THSD7B: variants seen among roughly 807,000 people sequenced by gnomAD.
THSD7B encodes the protein thrombospondin type-1 domain-containing protein 7B.
A neutral mutation model predicts 213.6 loss-of-function variants in THSD7B; 138 were observed. The ratio of observed to expected loss-of-function variants is 0.65; its 90% CI spans 0.56 to 0.74. The LOEUF (loss-of-function observed/expected upper bound fraction) is 0.74. Ranked by LOEUF, THSD7B falls within the 30% of genes least tolerant of loss-of-function variation. THSD7B has a pLI of 0.00. For missense variants in THSD7B, 1,931 were observed against 1,991.5 expected (o/e 0.97, Z 0.58); for synonymous variants, 742 against 687.0 (o/e 1.08, Z -1.25).
At chr2:137,345,965 G>T (rs1024699328) in intron 12 of THSD7B, among the ~76,000 whole-genome samples, 1 of 151,586 alleles carries the variant, frequency 6.6e-6, no homozygotes, top group Non-Finnish European at 1.5e-5. Context: ...GTTGCTTGTT[G>T]TGGTGGGGGA....
At chr2:137,236,695 C>T (rs1161602571) in intron 9 of THSD7B, among the ~76,000 whole-genome samples, 1 of 152,178 alleles carries the variant, frequency 6.6e-6, no homozygotes, top group Non-Finnish European at 1.5e-5. Flanking sequence ...GCAGGTTTCC[C>T]CATCTAGCTG....
rs70978214 is a variant in THSD7B, at chr2:137,389,402, A to ATT, written c.2501-16185_2501-16184dup. Among the ~76,000 whole-genome samples the ATT allele has an allele frequency of 9.7e-3, 371 of 38,078 alleles. 34 individuals are homozygous for ATT. The highest frequency in any genetic ancestry group is 0.031 in the South Asian group (17 of 556). 25.0% of individuals were successfully genotyped at this position (38,078 alleles called of 152,430 possible). A position where few individuals can be genotyped will look rare whatever the true frequency, so the allele number is the denominator to read the frequency against. On this transcript the variant is annotated intron_variant, in intron 12 of 27. Transcript: ENST00000409968. ...GATAGTTTGACCACTTCTTAATGTG[A>ATT]TTTTTTTTTTTTTTTTTTTTTTTTT...
At chr2:137,563,119 C>T in intron 15 of THSD7B, 102 bp from the exon 16 acceptor site, 1 of 1,279,184 alleles carries the variant, frequency 7.8e-7, no homozygotes. Context: ...GGCCAGAGTG[C>T]AGTTTCTTGG....
intron 7 of THSD7B, among the ~76,000 whole-genome samples, chr2:137,214,748 C>T (rs11883689): frequency 0.057 from 8,743 of 152,168 alleles, 657 homozygotes; most frequent in African/African-American, 0.17. Context: ...CATGTCCCTG[C>T]AAAGGACATG....
intron 12 of THSD7B, among the ~76,000 whole-genome samples, chr2:137,341,321 C>G (rs1684756492): frequency 6.6e-6 from 1 of 150,966 alleles, no homozygotes. Flanking sequence ...TGTTTGAGCT[C>G]CTTATATATA....
chr2:136,993,734 C>G (rs911599419), intron 2 of THSD7B, among the ~76,000 whole-genome samples: 7 of 152,114 alleles, frequency 4.6e-5, no homozygotes, highest in African/African-American at 1.7e-4. Flanking sequence ...ATTTGCTGAC[C>G]AGCTACAACA....
chr2:136,943,209 C>G (rs1420920031), intron 2 of THSD7B, among the ~76,000 whole-genome samples: 2 of 152,152 alleles, frequency 1.3e-5, no homozygotes, highest in African/African-American at 4.8e-5. Context: ...TTGAACCAGC[C>G]TTGCATCCCA....
intron 21 of THSD7B, among the ~76,000 whole-genome samples, chr2:137,646,042 G>A (rs1374262932): frequency 6.6e-6 from 1 of 151,998 alleles, no homozygotes; most frequent in African/African-American, 2.4e-5. Flanking sequence ...GCTTTTTTGG[G>A]ACAGTTTCAT....
intron 1 of THSD7B, among the ~76,000 whole-genome samples, chr2:136,844,532 G>C (rs1682975761): frequency 6.7e-6 from 1 of 149,460 alleles, no homozygotes; most frequent in South Asian, 2.1e-4. Flanking sequence ...CTTTTCTTTT[G>C]TTCTCCAACC....
intron 14 of THSD7B, among the ~76,000 whole-genome samples, chr2:137,419,435 GAAT>G (rs1270093315): frequency 1.6e-5 from 2 of 125,964 alleles, no homozygotes; most frequent in African/African-American, 5.2e-5. Flanking sequence ...AAAGGACAGA[GAAT>G]AATGTTACTG....
At chr2:137,602,980 T>G (rs1381185300) in intron 17 of THSD7B, among the ~76,000 whole-genome samples, 3 of 152,200 alleles carry the variant, frequency 2.0e-5, no homozygotes, top group Admixed American at 2.0e-4. Flanking sequence ...AGTCTGACTG[T>G]CTGTGCCTGA....
intron 1 of THSD7B, among the ~76,000 whole-genome samples, chr2:136,770,555 C>G (rs939324601): frequency 2.6e-5 from 4 of 152,206 alleles, no homozygotes; most frequent in Non-Finnish European, 4.4e-5. Flanking sequence ...GACCACTCCC[C>G]TTAGATCACT....
intron 12 of THSD7B, among the ~76,000 whole-genome samples, chr2:137,308,955 T>A (rs1403377482): frequency 6.6e-6 from 1 of 152,146 alleles, no homozygotes. Flanking sequence ...TGTTTTTGTA[T>A]TAGAAACAGC....
intron 20 of THSD7B, among the ~76,000 whole-genome samples, chr2:137,629,426 A>G (rs769700734): frequency 1.2e-4 from 19 of 152,086 alleles, no homozygotes; most frequent in Non-Finnish European, 2.6e-4. Flanking sequence ...GTATTAAAAG[A>G]TCACTTAAAA....
intron 1 of THSD7B, among the ~76,000 whole-genome samples, chr2:136,821,232 G>A (rs1281888189): frequency 1.3e-5 from 2 of 152,064 alleles, no homozygotes; most frequent in Admixed American, 6.5e-5. Flanking sequence ...GTATCAGCTC[G>A]ACTTGTTAAG....
chr2:137,066,189 C>CTT (rs70975797), intron 3 of THSD7B, among the ~76,000 whole-genome samples: 148 of 115,714 alleles, frequency 1.3e-3, no homozygotes, highest in African/African-American at 2.6e-3. Flanking sequence ...TGAGTTTTCA[C>CTT]TTTTTTTTTT....
chr2:137,410,920 A>T (rs961721882), intron 13 of THSD7B, among the ~76,000 whole-genome samples: 4 of 152,232 alleles, frequency 2.6e-5, no homozygotes, highest in African/African-American at 9.6e-5. Context: ...CATGATTACC[A>T]AGTGTTTACA....
intron 15 of THSD7B, among the ~76,000 whole-genome samples, chr2:137,498,720 G>T (rs1482588386): frequency 6.6e-6 from 1 of 152,148 alleles, no homozygotes; most frequent in Non-Finnish European, 1.5e-5. Flanking sequence ...GGGAGAAGGG[G>T]TAGGAATTGG....
At chr2:137,568,581 C>T (rs759158934) in intron 16 of THSD7B, among the ~76,000 whole-genome samples, 1 of 152,088 alleles carries the variant, frequency 6.6e-6, no homozygotes, top group Non-Finnish European at 1.5e-5. Context: ...GGGGAGGCCT[C>T]AGGAAACTTA....
Sources: gnomAD v4.1 joint callset for allele counts (sites outside exome capture counted in the v4.1 genomes callset) on GRCh38, gnomAD v4.1.1 for gene constraint, MANE v1.5 for transcripts, NCBI Gene and HGNC (gene_info 2026-07-23, HGNC 2026-07-21) for gene names.